The following TSHR variants were observed in gnomAD, a reference collection of about 807,000 sequenced individuals.
TSHR encodes the protein thyrotropin receptor.
In TSHR, 51 loss-of-function variants were observed where a neutral mutation model predicts 64.1. That is an observed-to-expected ratio of 0.80 (90% confidence interval 0.64 to 1.01). The LOEUF is 1.01. Among genes scored for constraint, TSHR ranks in the 50% least tolerant of loss-of-function variants. The pLI is 0.00. For synonymous variants in TSHR, 361 were observed against 361.9 expected, an observed-to-expected ratio of 1.00 and a Z score of 0.03; for missense variants, 877 against 942.8, an observed-to-expected ratio of 0.93 and a Z score of 0.91.
chr14:81,034,330 A>G (rs989086382), intron 1 of TSHR, among the ~76,000 whole-genome samples: 3 of 152,196 alleles, frequency 2.0e-5, no homozygotes, highest in African/African-American at 7.2e-5. Context: ...TTGATAGCTT[A>G]ATCAGAAGAT....
chr14:81,096,551 C>T (rs1889203576), intron 6 of TSHR, 88 bp from the exon 7 acceptor site: 1 of 1,326,666 alleles, frequency 7.5e-7, no homozygotes, highest in Non-Finnish European at 1.1e-6. Flanking sequence ...ACATTTATGA[C>T]ACTGAAGAAA....
intron 1 of TSHR, among the ~76,000 whole-genome samples, chr14:81,008,023 CT>C (rs1157530460): frequency 6.6e-6 from 1 of 152,160 alleles, no homozygotes; most frequent in African/African-American, 2.4e-5. Context: ...ATTCTGAAAA[CT>C]TGTGGAGGGT....
At chr14:81,086,710 T>C (rs986863744) in intron 3 of TSHR, among the ~76,000 whole-genome samples, 1 of 152,204 alleles carries the variant, frequency 6.6e-6, no homozygotes, top group African/African-American at 2.4e-5. Context: ...GAGCCAAGAC[T>C]CTATTTCGAG....
At chr14:81,002,781 C>CTTTTTTTTTTTTTTTTT (rs1174635270) in intron 1 of TSHR, among the ~76,000 whole-genome samples, 8 of 44,318 alleles carry the variant, frequency 1.8e-4, no homozygotes, top group African/African-American at 4.9e-4. Context: ...CCTAATGCCT[C>CTTTTTTTTTTTTTTTTT]TTTTTTTTTT....
At chr14:81,123,705 G>T (rs903078748) in intron 8 of TSHR, among the ~76,000 whole-genome samples, 2 of 152,104 alleles carry the variant, frequency 1.3e-5, no homozygotes, top group East Asian at 3.8e-4. Flanking sequence ...TGTTTTTCAA[G>T]GTCACTTCTC....
At chr14:80,976,618 A>G (rs1212163897) in intron 1 of TSHR, among the ~76,000 whole-genome samples, 1 of 152,192 alleles carries the variant, frequency 6.6e-6, no homozygotes, top group Non-Finnish European at 1.5e-5. Flanking sequence ...CTGAGTTCCA[A>G]ATATATTTCT....
intron 1 of TSHR, among the ~76,000 whole-genome samples, chr14:81,023,065 TAGA>T (rs1467818337): frequency 6.6e-6 from 1 of 152,124 alleles, no homozygotes; most frequent in African/African-American, 2.4e-5. Flanking sequence ...TCCCAGTTTC[TAGA>T]AGGTGAGAAA....
At chr14:81,028,682 A>C (rs1884198434) in intron 1 of TSHR, among the ~76,000 whole-genome samples, 1 of 152,152 alleles carries the variant, frequency 6.6e-6, no homozygotes, top group African/African-American at 2.4e-5. Context: ...TTAGGCTTCA[A>C]ATGATTTCAA....
chr14:81,124,143 A>T (rs1219670017), intron 8 of TSHR, among the ~76,000 whole-genome samples: 1 of 152,112 alleles, frequency 6.6e-6, no homozygotes, highest in Admixed American at 6.5e-5. Context: ...AACTTCAAAA[A>T]CACACTTTTC....
chr14:81,032,704 G>T, intron 1 of TSHR: 1 of 428,718 alleles, frequency 2.3e-6, no homozygotes, highest in South Asian at 2.0e-5. Flanking sequence ...AAGAAGAAGG[G>T]ACTCATGCCT....
intron 1 of TSHR, 152 bp downstream of exon 1, chr14:80,956,002 G>A: frequency 1.1e-6 from 1 of 936,108 alleles, no homozygotes; most frequent in Non-Finnish European, 1.7e-6. Context: ...AGATGTGTGT[G>A]TGTGCTAAAA....
intron 1 of TSHR, among the ~76,000 whole-genome samples, chr14:81,047,380 G>C (rs2139859244): frequency 6.6e-6 from 1 of 152,252 alleles, no homozygotes; most frequent in African/African-American, 2.4e-5. Context: ...ATATGTCTGA[G>C]TAGAATATAT....
chr14:81,092,564 C>A lies in TSHR; in HGVS notation c.501C>A (p.Ile167=), dbSNP rs747039783. 1 of 1,614,086 alleles carries A rather than the reference C, an allele frequency of 6.2e-7. No homozygotes were observed. The highest frequency in any genetic ancestry group is 8.5e-7 in the Non-Finnish European group (1 of 1,179,994). The change falls in exon 6 of 10, where the codon ATC becomes ATA. Residue 167 remains isoleucine, a synonymous_variant. Transcript: ENST00000298171. ...CAGACAACCCTTACATGACGTCAAT[C>A]CCTGTGAATGCTTTTCAGGGACTAT... ...EITDNPYMTS[I]PVNAFQGLCN... is the part of the protein sequence containing the mutation.
intron 7 of TSHR, among the ~76,000 whole-genome samples, chr14:81,097,016 A>G (rs1889250996): frequency 6.6e-6 from 1 of 152,084 alleles, no homozygotes; most frequent in Admixed American, 6.6e-5. Context: ...AAAGCTGTTC[A>G]GAAAATAAGG....
In TSHR at chr14:81,144,330, G is replaced by A. The variant is rs746522401; in HGVS notation, c.2272G>A (p.Glu758Lys). The A allele has an allele frequency of 2.1e-5, 34 of 1,614,162 alleles. No individual in the cohort carries two copies. The East Asian group carries it at 3.3e-4, about 16-fold the overall frequency. The change falls in exon 10 of 10, where the codon GAG becomes AAG. Residue 758 changes from glutamate to lysine, a missense_variant. Glu to Lys is a moderately conservative substitution (Grantham distance 56). Transcript: ENST00000298171. ...AAAGAAGCAAGGCCAAATCTCAGAAGAGTATATGCAAACGGTTTTGTAAGT... is the reference window on the plus strand; with the variant it reads ...AAAGAAGCAAGGCCAAATCTCAGAAAAGTATATGCAAACGGTTTTGTAAGT... ...TPKKQGQISE[E>K]YMQTVL
chr14:80,956,011 A>G, intron 1 of TSHR, 161 bp downstream of exon 1: 4 of 842,016 alleles, frequency 4.8e-6, no homozygotes, highest in Middle Eastern at 3.2e-4. Flanking sequence ...TGTGTGCTAA[A>G]AACTTAATCG....
chr14:81,000,663 TTC>T (rs1318250916), intron 1 of TSHR, among the ~76,000 whole-genome samples: 1 of 152,126 alleles, frequency 6.6e-6, no homozygotes, highest in African/African-American at 2.4e-5. Context: ...TTCGTACTCA[TTC>T]TCTCTCTCTC....
chr14:81,093,529 C>G (rs1481510872), intron 6 of TSHR: 1 of 152,216 alleles, frequency 6.6e-6, no homozygotes, highest in African/African-American at 2.4e-5. Context: ...TCTGCTCACA[C>G]TAAAGTTGGG....
At chr14:81,025,961 G>C (rs1273785975) in intron 1 of TSHR, among the ~76,000 whole-genome samples, 1 of 152,174 alleles carries the variant, frequency 6.6e-6, no homozygotes, top group African/African-American at 2.4e-5. Flanking sequence ...TTTGAAGTAA[G>C]TGATACACAT....
Sources: allele counts gnomAD v4.1 joint callset (sites outside exome capture counted in the v4.1 genomes callset), GRCh38; gene constraint gnomAD v4.1.1; transcripts MANE v1.5; gene names NCBI Gene and HGNC (gene_info 2026-07-23, HGNC 2026-07-21).